The following SLC25A48 variants were observed in gnomAD, a reference collection of about 807,000 sequenced individuals.
SLC25A48 encodes the protein solute carrier family 25 member 48.
SLC25A48 carries 29 observed loss-of-function variants against 32.2 expected under a neutral mutation model. That is an observed-to-expected ratio of 0.90 (90% CI 0.67 to 1.23). SLC25A48 has a LOEUF of 1.23. Ranked by LOEUF, SLC25A48 falls within the 50% of genes most tolerant of loss-of-function variation. The probability of loss-of-function intolerance (pLI) is 0.00; values close to 1 mark genes in which losing one functional copy is unlikely to be tolerated. For missense variants in SLC25A48, 399 were observed against 422.7 expected, an observed-to-expected ratio of 0.94 and a Z score of 0.49; for synonymous variants, 164 against 172.3, an observed-to-expected ratio of 0.95 and a Z score of 0.38.
At chr5:135,779,191 A>C (rs899131103) in intron 3 of SLC25A48, among the ~76,000 whole-genome samples, 5 of 151,792 alleles carry the variant, frequency 3.3e-5, no homozygotes, top group African/African-American at 1.2e-4. Context: ...TGAGAGGATG[A>C]TATTACCCCC....
intron 4 of SLC25A48, among the ~76,000 whole-genome samples, chr5:135,814,708 C>T (rs1291292101): frequency 6.6e-6 from 1 of 152,234 alleles, no homozygotes; most frequent in Non-Finnish European, 1.5e-5. Context: ...GAATCCCCAG[C>T]CCTGGTGTGA....
At chr5:135,591,770 C>G (rs1417749278) in intron 1 of SLC25A48, among the ~76,000 whole-genome samples, 1 of 152,180 alleles carries the variant, frequency 6.6e-6, no homozygotes, top group Non-Finnish European at 1.5e-5. Context: ...TTCAGAGACC[C>G]TGGCAAAATG....
At chr5:135,623,287 C>T (rs1365845333) in intron 1 of SLC25A48, among the ~76,000 whole-genome samples, 1 of 152,192 alleles carries the variant, frequency 6.6e-6, no homozygotes, top group Non-Finnish European at 1.5e-5. Flanking sequence ...CCTCTTAACT[C>T]CCCATTTTAG....
intron 3 of SLC25A48, among the ~76,000 whole-genome samples, chr5:135,646,383 T>C (rs1335319969): frequency 6.6e-6 from 1 of 152,072 alleles, no homozygotes. Context: ...AGTCCCTCCA[T>C]ACCTGAGGTT....
intron 1 of SLC25A48, among the ~76,000 whole-genome samples, chr5:135,838,811 C>T (rs1179318713): frequency 2.0e-5 from 3 of 152,242 alleles, no homozygotes; most frequent in African/African-American, 7.2e-5. Context: ...TATGAAAATG[C>T]CTGGATGTCC....
chr5:135,839,271 C>T (rs1758798914), intron 1 of SLC25A48, among the ~76,000 whole-genome samples: 1 of 152,136 alleles, frequency 6.6e-6, no homozygotes, highest in Non-Finnish European at 1.5e-5. Context: ...GATGGAGCTG[C>T]CCAAGACCAT....
chr5:135,703,844 A>G (rs564552832), intron 3 of SLC25A48, among the ~76,000 whole-genome samples: 32 of 152,128 alleles, frequency 2.1e-4, no homozygotes, highest in African/African-American at 6.7e-4. Context: ...CTCAATCTCC[A>G]CTGCCTCACC....
chr5:135,649,676 T>TAAAGCCAGGA (rs1753056858), intron 3 of SLC25A48: 1 of 152,414 alleles, frequency 6.6e-6, no homozygotes, highest in African/African-American at 2.4e-5. Context: ...GCTAAGGCTC[T>TAAAGCCAGGA]AAAGCCAGGA....
At chr5:135,816,313 A>T (rs1204758832) in intron 4 of SLC25A48, among the ~76,000 whole-genome samples, 3 of 152,230 alleles carry the variant, frequency 2.0e-5, no homozygotes, top group Non-Finnish European at 4.4e-5. Flanking sequence ...TATATTACAT[A>T]AAATATATTA....
intron 3 of SLC25A48, chr5:135,714,866 C>T (rs1754756834): frequency 1.3e-5 from 2 of 152,344 alleles, no homozygotes; most frequent in South Asian, 4.1e-4. Context: ...AGTAAGAAGA[C>T]CTGTGCAAAG....
chr5:135,729,557 G>T (rs1366448567), intron 3 of SLC25A48, among the ~76,000 whole-genome samples: 1 of 152,108 alleles, frequency 6.6e-6, no homozygotes, highest in African/African-American at 2.4e-5. Context: ...GTGGCATCTT[G>T]CTTGCATAAG....
intron 3 of SLC25A48, among the ~76,000 whole-genome samples, chr5:135,680,249 G>A (rs542739967): frequency 2.0e-5 from 3 of 152,236 alleles, no homozygotes; most frequent in East Asian, 3.9e-4. Context: ...GCCCCTCCCC[G>A]ATTACTGTTA....
intron 1 of SLC25A48, among the ~76,000 whole-genome samples, chr5:135,606,989 C>G (rs1462989671): frequency 6.6e-6 from 1 of 152,158 alleles, no homozygotes; most frequent in Non-Finnish European, 1.5e-5. Context: ...TGTGTCCTGC[C>G]TTGACTGCTT....
At chr5:135,812,598 T>A (rs1232274457) in exon 4 of SLC25A48, 3 of 152,294 alleles carry the variant, frequency 2.0e-5, no homozygotes, top group African/African-American at 4.8e-5. Flanking sequence ...CTCTCCAATG[T>A]GTCTGGCCCT....
chr5:135,853,729 T>A (rs758164622), intron 4 of SLC25A48, among the ~76,000 whole-genome samples: 1 of 152,208 alleles, frequency 6.6e-6, no homozygotes, highest in Non-Finnish European at 1.5e-5. Flanking sequence ...ACTTCCAAAC[T>A]CTTGTTAACA....
At chr5:135,682,374 G>A (rs975994369) in intron 3 of SLC25A48, among the ~76,000 whole-genome samples, 5 of 152,160 alleles carry the variant, frequency 3.3e-5, no homozygotes, top group African/African-American at 7.2e-5. Context: ...GTCACTCTTC[G>A]TCAAGGCAAT....
At chr5:135,720,438 C>G (rs1302739970) in intron 3 of SLC25A48, among the ~76,000 whole-genome samples, 2 of 152,240 alleles carry the variant, frequency 1.3e-5, no homozygotes, top group Non-Finnish European at 2.9e-5. Context: ...AGGTGTCCTT[C>G]CACCTAAACT....
At chr5:135,581,049 C>G (rs1580697967) in intron 1 of SLC25A48, among the ~76,000 whole-genome samples, 1 of 152,224 alleles carries the variant, frequency 6.6e-6, no homozygotes, top group South Asian at 2.1e-4. Flanking sequence ...TACCTTAACT[C>G]TATTTGGTAT....
intron 3 of SLC25A48, among the ~76,000 whole-genome samples, chr5:135,763,870 C>T (rs1470424860): frequency 6.6e-6 from 1 of 152,010 alleles, no homozygotes; most frequent in Non-Finnish European, 1.5e-5. Flanking sequence ...TCACTCAATT[C>T]TATTTACTTA....
Sources: gnomAD v4.1 joint callset for allele counts (sites outside exome capture counted in the v4.1 genomes callset) on GRCh38, gnomAD v4.1.1 for gene constraint, MANE v1.5 for transcripts, NCBI Gene and HGNC (gene_info 2026-07-23, HGNC 2026-07-21) for gene names.